DUS2: variants seen among roughly 807,000 people sequenced by gnomAD.
DUS2 encodes the protein tRNA-dihydrouridine(20) synthase [NAD(P)+]-like.
DUS2 carries 52 observed loss-of-function variants against 71.3 expected under a neutral mutation model. That is an observed-to-expected ratio of 0.73 (90% confidence interval 0.58 to 0.92). The LOEUF (loss-of-function observed/expected upper bound fraction) is 0.92, where lower values mean the gene tolerates loss of function less well. Ranked by LOEUF, DUS2 falls within the 40% of genes least tolerant of loss-of-function variation. DUS2 has a pLI of 0.00. For synonymous variants in DUS2, 204 were observed against 227.8 expected (o/e 0.90, Z 0.94); for missense variants, 558 against 622.6 (o/e 0.90, Z 1.10).
At chr16:68,047,457 TTTGTTGTTG>T (rs567806198) in intron 3 of DUS2, among the ~76,000 whole-genome samples, 1 of 151,728 alleles carries the variant, frequency 6.6e-6, no homozygotes, top group Non-Finnish European at 1.5e-5. Flanking sequence ...TAACAAAGTT[TTTGTTGTTG>T]TTGTTGTTGT....
chr16:68,072,710 G>C (rs1174817942), intron 12 of DUS2, among the ~76,000 whole-genome samples: 1 of 152,190 alleles, frequency 6.6e-6, no homozygotes, highest in Non-Finnish European at 1.5e-5. Context: ...TAGGGGGTGG[G>C]GGATGGGAGG....
intron 3 of DUS2, among the ~76,000 whole-genome samples, chr16:68,048,370 C>T (rs2033733665): frequency 6.6e-6 from 1 of 152,156 alleles, no homozygotes; most frequent in African/African-American, 2.4e-5. Flanking sequence ...TACTTGCCTT[C>T]CCCTGCAACT....
At chr16:68,061,240 C>A (rs529084625) in intron 8 of DUS2, 127 bp downstream of exon 8, 128 of 979,442 alleles carry the variant, frequency 1.3e-4, no homozygotes, top group Non-Finnish European at 1.6e-4. Context: ...TGAGGCCTAG[C>A]GATTTCCAAA....
In DUS2 at chr16:68,050,160, C is replaced by T. The variant is rs116906005; in HGVS notation, c.172+610C>T. 1.8e-4 allele frequency among the ~76,000 whole-genome samples: 27 copies of T among 150,780 alleles called. No homozygotes were observed. In the East Asian group the frequency reaches 4.3e-3, roughly 24 times the overall value. ...TTGTGAAATCTTTTTTTTTTTGAGA[C>T]GGAATCTCCCTCTGTTGCCTAGGCT... On this transcript the variant is annotated intron_variant, in intron 4 of 16. Transcript: ENST00000565263.
intron 3 of DUS2, among the ~76,000 whole-genome samples, chr16:68,043,062 A>C (rs2033654301): frequency 6.6e-6 from 1 of 151,988 alleles, no homozygotes; most frequent in African/African-American, 2.4e-5. Context: ...TATGTTGCCC[A>C]TGCTGGTCCC....
intron 2 of DUS2, among the ~76,000 whole-genome samples, chr16:68,037,024 A>G (rs957250887): frequency 4.4e-4 from 67 of 152,056 alleles, no homozygotes; most frequent in African/African-American, 1.5e-3. Context: ...CCAACATACT[A>G]TATAGTTTAC....
chr16:68,076,363 C>T (rs550295917), intron 14 of DUS2, among the ~76,000 whole-genome samples: 1 of 152,304 alleles, frequency 6.6e-6, no homozygotes, highest in Admixed American at 6.5e-5. Context: ...CCAGTCTGGA[C>T]CTCAGAGTAC....
At chr16:68,060,984 G>A (rs996672441) in intron 7 of DUS2, 82 bp from the exon 8 acceptor site, 42 of 1,386,666 alleles carry the variant, frequency 3.0e-5, no homozygotes, top group Non-Finnish European at 3.6e-5. Flanking sequence ...CCGGGGTGAC[G>A]CTCAGTTGCC....
At chr16:68,073,281 TTTTTAA>T (rs908978929) in intron 12 of DUS2, among the ~76,000 whole-genome samples, 2 of 152,160 alleles carry the variant, frequency 1.3e-5, no homozygotes, top group African/African-American at 4.8e-5. Flanking sequence ...TTTATTTTTA[TTTTTAA>T]TTTTAGATAG....
At position 68,023,419 on chromosome 16, in the gene DUS2, G is replaced by A. The variant is rs372302713; in HGVS notation, c.-99+68G>A. On this transcript the variant is annotated intron_variant, in intron 1 of 16. Transcript: ENST00000565263. ...CAGCCTTGGGGAAGGGCGCGTCGTG[G>A]AGGCAGGACTGGAGGCTGGCGATAC... 8 of 610,100 alleles carry A rather than the reference G, an allele frequency of 1.3e-5. No homozygotes were observed. In the South Asian group the frequency reaches 1.5e-4, roughly 12 times the overall value. The allele number at this position is 610,100 out of a possible 1,614,324, so 37.8% of individuals were successfully genotyped here.
chr16:68,053,767 A>G (rs997516274), intron 5 of DUS2, 112 bp downstream of exon 5: 8 of 1,062,074 alleles, frequency 7.5e-6, no homozygotes, highest in Non-Finnish European at 1.1e-5. Flanking sequence ...TTGTACAACG[A>G]TGGCTTCCTG....
At chr16:68,028,647 CA>C (rs2033392685) in intron 2 of DUS2, among the ~76,000 whole-genome samples, 1 of 151,994 alleles carries the variant, frequency 6.6e-6, no homozygotes, top group African/African-American at 2.4e-5. Flanking sequence ...TCAAAACAAA[CA>C]AACAAACAAA....
chr16:68,072,720 G>C (rs544748394), intron 12 of DUS2, among the ~76,000 whole-genome samples: 1 of 152,188 alleles, frequency 6.6e-6, no homozygotes, highest in Non-Finnish European at 1.5e-5. Flanking sequence ...GGGATGGGAG[G>C]GTGTCCTGGA....
At chr16:68,052,757 C>T (rs1261831192) in intron 4 of DUS2, among the ~76,000 whole-genome samples, 1 of 151,384 alleles carries the variant, frequency 6.6e-6, no homozygotes, top group Non-Finnish European at 1.5e-5. Flanking sequence ...ATTGTGCTGC[C>T]TCAGCCTCTT....
chr16:68,057,456 G>T (rs2033876997), intron 7 of DUS2, among the ~76,000 whole-genome samples: 1 of 151,688 alleles, frequency 6.6e-6, no homozygotes, highest in Non-Finnish European at 1.5e-5. Context: ...GAGGAGGCCG[G>T]GAGTGGTGGC....
At chr16:68,061,218 A>G in intron 8 of DUS2, 105 bp downstream of exon 8, 1 of 1,243,594 alleles carries the variant, frequency 8.0e-7, no homozygotes, top group Non-Finnish European at 1.2e-6. Context: ...ATGTCCACCC[A>G]GTTTCTCTCC....
chr16:68,066,678 C>G, intron 10 of DUS2, 42 bp downstream of exon 10: 12 of 1,589,018 alleles, frequency 7.6e-6, no homozygotes, highest in Non-Finnish European at 1.0e-5. Context: ...GAGGTCCTAA[C>G]CCATCTTAGT....
chr16:68,069,304 C>T (rs1036337748), intron 10 of DUS2, among the ~76,000 whole-genome samples: 1 of 152,108 alleles, frequency 6.6e-6, no homozygotes, highest in African/African-American at 2.4e-5. Context: ...GGTAGAATTG[C>T]CTGAACCCAG....
chr16:68,070,709 C>G (rs2034072318), intron 11 of DUS2, among the ~76,000 whole-genome samples: 2 of 152,182 alleles, frequency 1.3e-5, no homozygotes, highest in South Asian at 4.1e-4. Context: ...AAGTAAATTT[C>G]CTGGATTACC....
Sources: allele counts gnomAD v4.1 joint callset (sites outside exome capture counted in the v4.1 genomes callset), GRCh38; gene constraint gnomAD v4.1.1; transcripts MANE v1.5; gene names NCBI Gene and HGNC (gene_info 2026-07-23, HGNC 2026-07-21).